The following DNAH11 variants were observed in gnomAD, a reference collection of about 807,000 sequenced individuals.
DNAH11 encodes axonemal beta dynein heavy chain 11.
A neutral mutation model predicts 526.0 loss-of-function variants in DNAH11; 442 were observed. The observed-to-expected ratio is 0.84, with a 90% CI of 0.78 to 0.91. DNAH11 has a LOEUF of 0.91. DNAH11 is among the 40% of genes least tolerant of loss of function. DNAH11 has a pLI of 0.00. For synonymous variants in DNAH11, 2,461 were observed against 1,935.9 expected (o/e 1.27, Z -7.12); for missense variants, 6,989 against 5,448.7 (o/e 1.28, Z -8.90).
intron 47 of DNAH11, 27 bp downstream of exon 47, chr7:21,738,893 C>T: frequency 6.7e-7 from 1 of 1,499,592 alleles, no homozygotes; most frequent in South Asian, 1.4e-5. Flanking sequence ...AGTTTACTCT[C>T]TCCCAAAATC....
chr7:21,722,798 A>G (rs1484674503), intron 44 of DNAH11, among the ~76,000 whole-genome samples: 2 of 151,838 alleles, frequency 1.3e-5, no homozygotes, highest in African/African-American at 2.4e-5. Flanking sequence ...ACAGAAGGCA[A>G]CCCTCCTTCT....
At chr7:21,774,055 A>G (rs757809734) in intron 56 of DNAH11, 56 bp downstream of exon 56, 1 of 1,408,312 alleles carries the variant, frequency 7.1e-7, no homozygotes, top group Non-Finnish European at 9.5e-7. Context: ...ACAGAAAAAT[A>G]TATTTCCTTT....
At chr7:21,839,574 CAA>C (rs112866262) in intron 65 of DNAH11, among the ~76,000 whole-genome samples, 2 of 132,714 alleles carry the variant, frequency 1.5e-5, no homozygotes. Context: ...GACTCCGTTT[CAA>C]AAAAAAAAAA....
chr7:21,698,667 G>A (rs1008151196), intron 36 of DNAH11, among the ~76,000 whole-genome samples: 3 of 152,156 alleles, frequency 2.0e-5, no homozygotes, highest in African/African-American at 7.2e-5. Flanking sequence ...TTATGACTGA[G>A]TAATATTCCA....
intron 76 of DNAH11, 58 bp downstream of exon 76, chr7:21,884,468 A>T (rs557509095): frequency 6.6e-7 from 1 of 1,514,182 alleles, no homozygotes; most frequent in East Asian, 2.4e-5. Flanking sequence ...AATTCTGGTA[A>T]GAATTTTATA....
At chr7:21,558,689 T>G in intron 2 of DNAH11, 113 bp from the exon 3 acceptor site, 1 of 685,584 alleles carries the variant, frequency 1.5e-6, no homozygotes, top group Non-Finnish European at 2.3e-6. Context: ...AGATTTGATA[T>G]CATTGGATAT....
At chr7:21,708,969 T>G (rs1411466979) in intron 40 of DNAH11, among the ~76,000 whole-genome samples, 1 of 152,206 alleles carries the variant, frequency 6.6e-6, no homozygotes, top group East Asian at 1.9e-4. Flanking sequence ...AAGGGACCGC[T>G]TATAGACTTG....
chr7:21,875,475 C>CT (rs1783668139), intron 74 of DNAH11, among the ~76,000 whole-genome samples: 1 of 152,096 alleles, frequency 6.6e-6, no homozygotes, highest in Admixed American at 6.6e-5. Context: ...TGTGGACACT[C>CT]TCCCCAGGGA....
chr7:21,620,662 C>T (rs936119109), intron 25 of DNAH11, among the ~76,000 whole-genome samples: 3 of 151,194 alleles, frequency 2.0e-5, no homozygotes, highest in African/African-American at 4.9e-5. Flanking sequence ...GTGCTGCACC[C>T]ATTAACTCGT....
At chr7:21,724,203 T>C (rs183461861) in intron 44 of DNAH11, among the ~76,000 whole-genome samples, 4 of 152,370 alleles carry the variant, frequency 2.6e-5, no homozygotes, top group Admixed American at 2.6e-4. Flanking sequence ...ACATAAGTAA[T>C]ATCATCTGAA....
rs189823342 is a variant in DNAH11, at chr7:21,786,068, G to T, written c.9598-556G>T. On this transcript the variant is annotated intron_variant, in intron 58 of 81. Transcript: ENST00000409508. ...ATATCATCTGTTGGATTAATCAGTG[G>T]CATCACCTGAGGAGACAAAGGAGTA... Among the ~76,000 whole-genome samples, 237 of 152,220 alleles carry T rather than the reference G, an allele frequency of 1.6e-3. 3 individuals carry two copies. Among genetic ancestry groups the T allele is most frequent in the Admixed American group, 3.7e-3 (56 of 15,280 alleles).
chr7:21,649,577 TATAAAG>T (rs1787532294), intron 28 of DNAH11, among the ~76,000 whole-genome samples: 1 of 152,052 alleles, frequency 6.6e-6, no homozygotes, highest in Non-Finnish European at 1.5e-5. Flanking sequence ...AATTCACTTC[TATAAAG>T]ATAATGTCCC....
rs1562540495 is a variant in DNAH11, at chr7:21,779,021, G to T, written c.9400G>T (p.Ala3134Ser). The part of the protein sequence containing the change: ...EAELQLRNHD[A>S]EALITKIGLQ... ...CGAGCTGCAACTGAGAAATCATGAT[G>T]CCGAAGCTCTGATCACAAAGATCGG... The change falls in exon 57 of 82, where the codon GCC becomes TCC. Residue 3134 changes from alanine (A) to serine (S), a missense_variant. Physicochemically the swap from Ala to Ser is moderately conservative, Grantham distance 99. Transcript: ENST00000409508. 1 of 1,613,456 alleles carries T rather than the reference G, an allele frequency of 6.2e-7. No individual in the cohort carries two copies. Among genetic ancestry groups the T allele is most frequent in the African/African-American group, 1.3e-5 (1 of 75,026 alleles).
chr7:21,684,023 T>A (rs745993389), intron 32 of DNAH11, 79 bp downstream of exon 32: 228 of 1,344,072 alleles, frequency 1.7e-4, no homozygotes, highest in Non-Finnish European at 2.1e-4. Flanking sequence ...AAGGAAGGAA[T>A]GAGAGGAAAC....
chr7:21,614,943 CT>C (rs1785694935), intron 20 of DNAH11, among the ~76,000 whole-genome samples, 170 bp from the exon 21 acceptor site: 1 of 152,292 alleles, frequency 6.6e-6, no homozygotes, highest in South Asian at 2.1e-4. Context: ...TTTTGTGCAG[CT>C]GAGTTTGCTC....
chr7:21,577,843 A>T lies in DNAH11; in HGVS notation c.1594-4062A>T, dbSNP rs547604908. Among the ~76,000 whole-genome samples the T allele has an allele frequency of 7.9e-5, 12 of 152,344 alleles. No individual in the cohort carries two copies. In the South Asian group the frequency reaches 2.5e-3, roughly 32 times the overall value. ...GATCTCAACTGAGTGAAAAAAAGAC[A>T]ATCAGTAGATGCCAATACCAAGATA... On this transcript the variant is annotated intron_variant, in intron 8 of 81. Transcript: ENST00000409508.
At chr7:21,875,930 C>T (rs2128040105) in intron 74 of DNAH11, among the ~76,000 whole-genome samples, 1 of 131,648 alleles carries the variant, frequency 7.6e-6, no homozygotes, top group East Asian at 2.3e-4. Context: ...ATCGCCCAGG[C>T]TGGAGTGCAG....
chr7:21,646,552 G>A (rs561088579), intron 28 of DNAH11, among the ~76,000 whole-genome samples: 1 of 152,292 alleles, frequency 6.6e-6, no homozygotes, highest in East Asian at 1.9e-4. Flanking sequence ...GAGAACTCCA[G>A]AGACTTCTGG....
chr7:21,647,776 T>C (rs188775227), intron 28 of DNAH11, among the ~76,000 whole-genome samples: 7 of 152,184 alleles, frequency 4.6e-5, no homozygotes, highest in Admixed American at 4.6e-4. Context: ...AAAAAACACC[T>C]GTAACTCTAA....
Sources: allele counts gnomAD v4.1 joint callset (sites outside exome capture counted in the v4.1 genomes callset), GRCh38; gene constraint gnomAD v4.1.1; transcripts MANE v1.5; gene names NCBI Gene and HGNC (gene_info 2026-07-23, HGNC 2026-07-21).